SAP130: variants seen among roughly 807,000 people sequenced by gnomAD.
The protein encoded by SAP130 is histone deacetylase complex subunit SAP130.
A neutral mutation model predicts 103.2 loss-of-function variants in SAP130; 16 were observed. The observed-to-expected ratio is 0.16, with a 90% CI of 0.10 to 0.24. The LOEUF is 0.24. Among genes scored for constraint, SAP130 ranks in the 10% least tolerant of loss-of-function variants. The pLI is 1.00. For missense variants in SAP130, 990 were observed against 1,359.7 expected (o/e 0.73, Z 4.28); for synonymous variants, 477 against 497.0 (o/e 0.96, Z 0.53).
At chr2:127,951,734 C>A (rs1679509018) in intron 16 of SAP130, among the ~76,000 whole-genome samples, 1 of 152,182 alleles carries the variant, frequency 6.6e-6, no homozygotes, top group Admixed American at 6.5e-5. Flanking sequence ...CTGAATGTCG[C>A]CAGAGGGAGA....
At chr2:127,993,131 A>C (rs1426197416) in intron 12 of SAP130, 56 bp downstream of exon 12, 2 of 1,598,180 alleles carry the variant, frequency 1.3e-6, no homozygotes, top group Non-Finnish European at 1.7e-6. Context: ...CAATTTCTAC[A>C]TTATTGTTGG....
At chr2:128,025,697 G>A (rs1175790054) in intron 2 of SAP130, among the ~76,000 whole-genome samples, 1 of 152,146 alleles carries the variant, frequency 6.6e-6, no homozygotes, top group Non-Finnish European at 1.5e-5. Context: ...TAGGTAATAT[G>A]CAAACACTAT....
At chr2:127,987,103 G>A in intron 13 of SAP130, 141 bp from the exon 14 acceptor site, 2 of 709,698 alleles carry the variant, frequency 2.8e-6, no homozygotes, top group South Asian at 3.8e-5. Context: ...AGGGACAGGA[G>A]CACAATGTTC....
At position 127,989,606 on chromosome 2, in the gene SAP130, G is replaced by A; in HGVS notation, c.1738C>T (p.Pro580Ser). 1 of 1,614,182 alleles carries A rather than the reference G, an allele frequency of 6.2e-7. No homozygotes were observed. ...GGCTGAGGCTGCTGAGTACCCATAG[G>A]TGCAGGCTGAAGCCCTTGTGTGTTG... ...PINTQGLQPA[P>S]MGTQQPQPEG... Residue 580 changes from proline (P) to serine (S), a missense_variant, in exon 13 of 21, where the codon CCT becomes TCT. Pro to Ser is a moderately conservative substitution (Grantham distance 74, BLOSUM62 -1). This residue lies in a region of SAP130 where 349 missense variants were observed against 384.1 expected (regional missense o/e 0.91). Transcript: ENST00000643581. This position sits in a 1 kb window ranked among gnomAD's most constrained non-coding sequence, Gnocchi z 4.6.
chr2:128,013,253 G>T, intron 5 of SAP130, 99 bp from the exon 6 acceptor site: 1 of 1,159,988 alleles, frequency 8.6e-7, no homozygotes, highest in Non-Finnish European at 1.2e-6. Context: ...TCAATATCGA[G>T]CTGAAGTATG....
In SAP130 at chr2:128,010,405, GA is replaced by G. The variant is rs755364053; in HGVS notation, c.745-13del. The G allele has an allele frequency of 6.9e-6, 11 of 1,597,410 alleles. No homozygotes were observed. In the South Asian group the frequency reaches 1.1e-4, roughly 16 times the overall value. On this transcript the variant is annotated splice_polypyrimidine_tract_variant and intron_variant, in intron 6 of 20. Transcript: ENST00000643581. ...ACAGGTGGCCGAGACTACCAAAAGAGAAAAAACAGTTCATTTAAAACAAAAA... is the reference window on the plus strand; with the variant it reads ...ACAGGTGGCCGAGACTACCAAAAGAGAAAAACAGTTCATTTAAAACAAAAA...
At chr2:128,022,864 C>T (rs765004321) in intron 2 of SAP130, among the ~76,000 whole-genome samples, 38 of 151,930 alleles carry the variant, frequency 2.5e-4, no homozygotes, top group Non-Finnish European at 4.4e-4. Context: ...AGATCTCACT[C>T]CGTCACCCAG....
chr2:128,018,084 A>C (rs1403461247), intron 2 of SAP130, among the ~76,000 whole-genome samples, 169 bp from the exon 3 acceptor site: 1 of 152,180 alleles, frequency 6.6e-6, no homozygotes, highest in Non-Finnish European at 1.5e-5. Flanking sequence ...CCTGATGGAC[A>C]TCAGACAAAA....
rs1270093053 is a variant in SAP130 at position 127,986,279 on chromosome 2, G to A, written c.1958+506C>T. On this transcript the variant is annotated intron_variant, in intron 14 of 20. Coordinates refer to ENST00000643581, the MANE Select transcript of SAP130 (RefSeq NM_001330301.2). This position sits in a 1 kb window ranked among gnomAD's most constrained non-coding sequence, Gnocchi z 4.7. ...TAAACATTCACCTCTAGACACTGCT[G>A]TAGGGTTGGAGCGACACAGCCTGCC... Among the ~76,000 whole-genome samples the A allele has an allele frequency of 6.6e-6, 1 of 152,224 alleles. No individual in the cohort carries two copies. The highest frequency in any genetic ancestry group is 1.5e-5 in the Non-Finnish European group (1 of 68,038).
At chr2:127,988,299 T>C (rs2438029) in intron 13 of SAP130, among the ~76,000 whole-genome samples, 59,744 of 151,616 alleles carry the variant, frequency 0.39, 14,317 homozygotes, top group Non-Finnish European at 0.52. Context: ...TGGCATGCAC[T>C]TGTAGTCCTT....
chr2:127,985,022 C>CTTTCCCCTACGCAAGCTTCACA (rs1682272080), intron 14 of SAP130, among the ~76,000 whole-genome samples: 1 of 152,246 alleles, frequency 6.6e-6, no homozygotes, highest in Admixed American at 6.5e-5. Flanking sequence ...TGGTTCTCAA[C>CTTTCCCCTACGCAAGCTTCACA]TTTCCCCTAC....
intron 7 of SAP130, among the ~76,000 whole-genome samples, chr2:128,002,939 C>A (rs949280201): frequency 2.6e-5 from 4 of 152,074 alleles, no homozygotes; most frequent in Admixed American, 6.6e-5. Flanking sequence ...CTGGCGTAGG[C>A]AACATGGCGA....
In SAP130 at chr2:128,027,964, C is replaced by T. The variant is rs532118926; in HGVS notation, c.-31G>A. On this transcript the variant is annotated 5_prime_UTR_variant, in exon 1 of 21. Coordinates refer to ENST00000643581, the MANE Select transcript of SAP130 (RefSeq NM_001330301.2). ...CCTGGGTGCTGCGCCCAGTGGCCGC[C>T]GCGCCGCCTTGAGCTCGCTCCCGCG... is the stretch of plus-strand genomic sequence containing the variant. The T allele has an allele frequency of 1.9e-5, 19 of 985,632 alleles. No individual in the cohort carries two copies. The East Asian group carries it at 1.8e-3, about 94-fold the overall frequency. The allele number at this position is 985,632 out of a possible 1,614,324, so 61.1% of individuals were successfully genotyped here.
At chr2:127,966,811 A>C (rs1313455128) in intron 15 of SAP130, among the ~76,000 whole-genome samples, 2 of 152,158 alleles carry the variant, frequency 1.3e-5, no homozygotes, top group Non-Finnish European at 2.9e-5. Flanking sequence ...CTTTTGAAAA[A>C]ATATTTGTGT....
chr2:127,977,713 G>T (rs914038816), intron 15 of SAP130, among the ~76,000 whole-genome samples: 1 of 152,130 alleles, frequency 6.6e-6, no homozygotes, highest in African/African-American at 2.4e-5. Context: ...AATGCGTTCA[G>T]GTCATGCAGC....
At chr2:128,005,071 T>C (rs1370290158) in intron 7 of SAP130, among the ~76,000 whole-genome samples, 1 of 152,152 alleles carries the variant, frequency 6.6e-6, no homozygotes, top group African/African-American at 2.4e-5. Context: ...AAAAACTTAA[T>C]GAAGTAACTG....
intron 1 of SAP130, chr2:128,027,175 C>G: frequency 8.0e-7 from 1 of 1,254,544 alleles, no homozygotes; most frequent in South Asian, 3.4e-5. Flanking sequence ...TCGGCGGCGG[C>G]GATGTGCTCG....
At chr2:128,019,601 G>A (rs1196279947) in intron 2 of SAP130, among the ~76,000 whole-genome samples, 2 of 151,986 alleles carry the variant, frequency 1.3e-5, no homozygotes, top group Non-Finnish European at 1.5e-5. Context: ...AAAATTCAGT[G>A]GAGGCCGGGC....
intron 18 of SAP130, among the ~76,000 whole-genome samples, chr2:127,945,884 CT>C: frequency 1.3e-5 from 2 of 152,294 alleles, no homozygotes; most frequent in South Asian, 4.1e-4. Context: ...AACTCCTGGG[CT>C]CAAGCAATTT....
Sources: allele counts gnomAD v4.1 joint callset (sites outside exome capture counted in the v4.1 genomes callset), GRCh38; gene constraint gnomAD v4.1.1; regional missense constraint gnomAD v4.1.1; non-coding constraint Gnocchi (gnomAD v3.1); transcripts MANE v1.5; gene names NCBI Gene and HGNC (gene_info 2026-07-23, HGNC 2026-07-21).